Variants in MGAT4C observed in about 807,000 individuals in gnomAD.
MGAT4C encodes MGAT4 family member C, also known as alpha-1,3-mannosyl-glycoprotein 4-beta-N-acetylglucosaminyltransferase C.
In MGAT4C, 19 loss-of-function variants were observed where a neutral mutation model predicts 40.1. That is an observed-to-expected ratio of 0.47 (90% confidence interval 0.33 to 0.70). MGAT4C has a LOEUF of 0.70. Among genes scored for constraint, MGAT4C ranks in the 30% least tolerant of loss-of-function variants. The pLI is 0.02. For missense variants in MGAT4C, 491 were observed against 563.2 expected (o/e 0.87, Z 1.30); for synonymous variants, 181 against 187.1 (o/e 0.97, Z 0.27).
At chr12:86,598,110 T>G (rs546381741) in intron 2 of MGAT4C, among the ~76,000 whole-genome samples, 42 of 152,362 alleles carry the variant, frequency 2.8e-4, no homozygotes, top group African/African-American at 9.9e-4. Context: ...TACTTTTCTA[T>G]GTTTATATAT....
At chr12:86,746,954 A>G (rs1453050364) in intron 1 of MGAT4C, among the ~76,000 whole-genome samples, 1 of 151,632 alleles carries the variant, frequency 6.6e-6, no homozygotes, top group African/African-American at 2.4e-5. Context: ...CCTATTCAGA[A>G]TTGCGTTCTT....
chr12:86,160,460 C>T, intron 1 of MGAT4C, among the ~76,000 whole-genome samples: 1 of 151,918 alleles, frequency 6.6e-6, no homozygotes, highest in Non-Finnish European at 1.5e-5. Context: ...TTTCAATTTG[C>T]TTTGAATGTA....
rs148791969 is a variant in MGAT4C, at chr12:86,458,718, G to A, written c.-228-23453C>T. ...TAAATTGAGTAAATTATTTTTAAACGAGTAAATGATAATTATCTCACAAAA... is the reference window on the plus strand; with the variant it reads ...TAAATTGAGTAAATTATTTTTAAACAAGTAAATGATAATTATCTCACAAAA... On this transcript the variant is annotated intron_variant, in intron 2 of 7. Coordinates refer to the MGAT4C transcript ENST00000548651. Among the ~76,000 whole-genome samples, 9 of 152,254 alleles carry A rather than the reference G, an allele frequency of 5.9e-5. No homozygotes were observed. In the East Asian group the frequency reaches 9.6e-4, roughly 16 times the overall value.
chr12:86,284,939 T>C (rs1355851045), intron 4 of MGAT4C, among the ~76,000 whole-genome samples: 1 of 152,042 alleles, frequency 6.6e-6, no homozygotes, highest in Non-Finnish European at 1.5e-5. Flanking sequence ...AGTATTAATT[T>C]TAGCAACTAA....
At chr12:86,101,889 T>G (rs1215498402) in intron 1 of MGAT4C, among the ~76,000 whole-genome samples, 1 of 151,934 alleles carries the variant, frequency 6.6e-6, no homozygotes, top group East Asian at 1.9e-4. Context: ...ATCAAAGTCT[T>G]AAATTCCCAA....
rs1388277101 is a variant in MGAT4C, at chr12:85,962,615, G to A, written c.*16674C>T. On this transcript the variant is annotated 3_prime_UTR_variant, in exon 5 of 5. Coordinates refer to ENST00000611864, the MANE Select transcript of MGAT4C (RefSeq NM_001351288.2). ...CTGAATTAAATGATTGAATGAAGGA[G>A]TGAAGGATGTAGATTGTTTAAGTAC... 6.6e-6 allele frequency: 1 copy of A among 150,750 alleles called. No homozygotes were observed. Among genetic ancestry groups the A allele is most frequent in the Non-Finnish European group, 1.5e-5 (1 of 67,434 alleles). 9.3% of individuals were successfully genotyped at this position (150,750 alleles called of 1,614,324 possible). A position where few individuals can be genotyped will look rare whatever the true frequency, so the allele number is the denominator to read the frequency against.
At chr12:86,788,202 G>T (rs904012797) in intron 1 of MGAT4C, among the ~76,000 whole-genome samples, 23 of 150,708 alleles carry the variant, frequency 1.5e-4, no homozygotes, top group African/African-American at 5.6e-4. Flanking sequence ...TAATACATAG[G>T]ATATCAAATT....
At chr12:86,545,277 A>C (rs1959187525) in intron 2 of MGAT4C, among the ~76,000 whole-genome samples, 1 of 152,052 alleles carries the variant, frequency 6.6e-6, no homozygotes, top group East Asian at 1.9e-4. Flanking sequence ...TTCAAATATG[A>C]ATCCATTTTT....
chr12:86,423,941 T>A (rs565480203), intron 3 of MGAT4C, among the ~76,000 whole-genome samples: 2 of 152,300 alleles, frequency 1.3e-5, no homozygotes, highest in East Asian at 3.9e-4. Context: ...GGAAAATAAG[T>A]GTGACTATGC....
At chr12:86,394,924 T>A (rs1182853411) in intron 3 of MGAT4C, among the ~76,000 whole-genome samples, 1 of 151,908 alleles carries the variant, frequency 6.6e-6, no homozygotes, top group Non-Finnish European at 1.5e-5. Flanking sequence ...CTTAATTATG[T>A]TTTTTTGAGG....
intron 3 of MGAT4C, among the ~76,000 whole-genome samples, chr12:86,427,959 G>T (rs1236414224): frequency 6.6e-6 from 1 of 152,040 alleles, no homozygotes; most frequent in Non-Finnish European, 1.5e-5. Context: ...GGCAGAGGTT[G>T]CTGTGAGCTG....
At chr12:86,187,063 C>A (rs970675325) in intron 1 of MGAT4C, among the ~76,000 whole-genome samples, 2 of 152,086 alleles carry the variant, frequency 1.3e-5, no homozygotes, top group African/African-American at 2.4e-5. Context: ...TATAGGCATG[C>A]ACACATTCTG....
intron 1 of MGAT4C, among the ~76,000 whole-genome samples, chr12:86,830,090 C>G (rs1324041653): frequency 1.3e-5 from 2 of 151,494 alleles, no homozygotes; most frequent in Non-Finnish European, 3.0e-5. Context: ...ATGTCCATGT[C>G]TATATCTATG....
At position 86,664,156 on chromosome 12, in the gene MGAT4C, T is replaced by C. The variant is rs1191457026; in HGVS notation, c.-229+63053A>G. Among the ~76,000 whole-genome samples the C allele has an allele frequency of 2.0e-5, 3 of 151,974 alleles. No individual in the cohort carries two copies. In the East Asian group the frequency reaches 5.8e-4, roughly 29 times the overall value. The stretch of plus-strand genomic sequence containing the variant: ...AATTTTTTTTTTTTTTGTACTTCAA[T>C]GAACTACTTCTACACTGCTACTCAG... On this transcript the variant is annotated intron_variant, in intron 2 of 7. Transcript: ENST00000548651.
At chr12:86,829,850 T>G (rs1254236842) in intron 1 of MGAT4C, among the ~76,000 whole-genome samples, 1 of 150,042 alleles carries the variant, frequency 6.7e-6, no homozygotes, top group Non-Finnish European at 1.5e-5. Context: ...ACTATTTTAT[T>G]TGTTTTTCTT....
intron 3 of MGAT4C, among the ~76,000 whole-genome samples, chr12:86,356,950 G>T (rs1403293172): frequency 6.6e-6 from 1 of 152,142 alleles, no homozygotes; most frequent in Non-Finnish European, 1.5e-5. Context: ...AAACCTCCCT[G>T]TCTGACAGCT....
chr12:86,329,145 T>TAAAA (rs1555267673), intron 4 of MGAT4C, among the ~76,000 whole-genome samples: 56 of 149,082 alleles, frequency 3.8e-4, no homozygotes, highest in Admixed American at 7.4e-4. Context: ...AATAAATAAA[T>TAAAA]AAAATAGAAC....
intron 1 of MGAT4C, among the ~76,000 whole-genome samples, chr12:86,170,705 C>A (rs1044199267): frequency 1.3e-5 from 2 of 152,130 alleles, no homozygotes; most frequent in Admixed American, 1.3e-4. Flanking sequence ...GTAATCCCAG[C>A]ACTTTGGGAG....
At chr12:86,358,973 A>G (rs1278296561) in intron 3 of MGAT4C, among the ~76,000 whole-genome samples, 2 of 152,292 alleles carry the variant, frequency 1.3e-5, no homozygotes. Flanking sequence ...TGCACCAGGT[A>G]GACCTAATAG....
Sources: gnomAD v4.1 joint callset for allele counts (sites outside exome capture counted in the v4.1 genomes callset) on GRCh38, gnomAD v4.1.1 for gene constraint, MANE v1.5 for transcripts, NCBI Gene and HGNC (gene_info 2026-07-23, HGNC 2026-07-21) for gene names.